WSCD2: variants seen among roughly 807,000 people sequenced by gnomAD.
WSCD2 encodes the protein WSC domain sialate O sulfotransferase 2, also known as sialate:O-sulfotransferase 2.
A neutral mutation model predicts 55.7 loss-of-function variants in WSCD2; 28 were observed. The observed-to-expected ratio is 0.50, with a 90% CI of 0.37 to 0.69. The LOEUF is 0.69. Ranked by LOEUF, WSCD2 falls within the 30% of genes least tolerant of loss-of-function variation. WSCD2 has a pLI of 0.00. For missense variants in WSCD2, 616 were observed against 762.1 expected (o/e 0.81, Z 2.26); for synonymous variants, 301 against 301.9 (o/e 1.00, Z 0.03).
chr12:108,219,232 A>G (rs2137138579), intron 4 of WSCD2, among the ~76,000 whole-genome samples: 1 of 152,334 alleles, frequency 6.6e-6, no homozygotes, highest in Non-Finnish European at 1.5e-5. Context: ...CACACAAGTT[A>G]TCTACAGAAG....
At chr12:108,212,074 C>T (rs1482610041) in intron 4 of WSCD2, among the ~76,000 whole-genome samples, 1 of 152,126 alleles carries the variant, frequency 6.6e-6, no homozygotes, top group Non-Finnish European at 1.5e-5. Context: ...ACTTCCACCT[C>T]CCCATAGTCA....
In WSCD2 at chr12:108,235,792, T is replaced by G. The variant is rs571261647; in HGVS notation, c.1144+2897T>G. Among the ~76,000 whole-genome samples, 9 of 152,292 alleles carry G rather than the reference T, an allele frequency of 5.9e-5. No individual in the cohort carries two copies. The South Asian group carries it at 1.9e-3, about 32-fold the overall frequency. ...TGAGGCTTTGAATGTAGTTGCCTTT[T>G]CATTAGGAGCTTTAAAATCCTTCCC... On this transcript the variant is annotated intron_variant, in intron 7 of 8. Transcript: ENST00000547525.
At chr12:108,226,907 C>A in intron 5 of WSCD2, 83 bp from the exon 6 acceptor site, 1 of 1,464,794 alleles carries the variant, frequency 6.8e-7, no homozygotes, top group South Asian at 1.3e-5. Context: ...GGTTGAAATG[C>A]AAATCCTGTT....
chr12:108,248,246 A>G lies in WSCD2; in HGVS notation c.1601A>G (p.Asp534Gly), dbSNP rs894058907. ...CTCGAGTATGACCCCTATACTGCGG[A>G]CATGCAGAAGACCATCTCTGCCTAC... The part of the protein sequence containing the change: ...RKLEYDPYTA[D>G]MQKTISAYIK... The change falls in exon 9 of 9, where the codon GAC (aspartate) becomes GGC (glycine). Residue 534 changes from aspartate (D) to glycine (G), a missense_variant. Physicochemically the swap from Asp to Gly is moderately conservative, Grantham distance 94. Transcript: ENST00000547525. This position sits in a 1 kb window ranked among gnomAD's most constrained non-coding sequence, Gnocchi z 4.3. 6 of 1,614,094 alleles carry G rather than the reference A, an allele frequency of 3.7e-6. No individual in the cohort carries two copies. The highest frequency in any genetic ancestry group is 5.1e-6 in the Non-Finnish European group (6 of 1,180,052).
At chr12:108,134,293 G>A (rs1309909710) in intron 1 of WSCD2, among the ~76,000 whole-genome samples, 2 of 152,040 alleles carry the variant, frequency 1.3e-5, no homozygotes, top group Admixed American at 1.3e-4. Context: ...CTCATTCAAG[G>A]AGCAGGCAAA....
In WSCD2 at chr12:108,133,396, C is replaced by T. The variant is rs754716480; in HGVS notation, c.-552+3470C>T. 9.9e-5 allele frequency among the ~76,000 whole-genome samples: 15 copies of T among 151,996 alleles called. No homozygotes were observed. The East Asian group carries it at 1.2e-3, about 12-fold the overall frequency. ...GGGCGTACATGTGTGTTTTTCTGAGCGTGTTTGCCTGTTTGTACAGCAGTG... is the reference window on the plus strand; with the variant it reads ...GGGCGTACATGTGTGTTTTTCTGAGTGTGTTTGCCTGTTTGTACAGCAGTG... On this transcript the variant is annotated intron_variant, in intron 1 of 8. Transcript: ENST00000547525.
chr12:108,225,235 A>G (rs1887952828), intron 5 of WSCD2, among the ~76,000 whole-genome samples: 1 of 152,226 alleles, frequency 6.6e-6, no homozygotes, highest in Non-Finnish European at 1.5e-5. Context: ...TCATGGTGGA[A>G]GGCAAAGGAA....
chr12:108,220,524 CACA>C lies in WSCD2; in HGVS notation c.683-4210_683-4208del, dbSNP rs1235346891. On this transcript the variant is annotated intron_variant, in intron 4 of 8. Transcript: ENST00000547525. ...ACCAGTACATGGTAGCAATAATGATCACAACAATATTACGATTTTTTTAAAGAC... is the reference window on the plus strand; with the variant it reads ...ACCAGTACATGGTAGCAATAATGATCACAATATTACGATTTTTTTAAAGAC... Among the ~76,000 whole-genome samples the C allele has an allele frequency of 3.3e-5, 5 of 152,268 alleles. No homozygotes were observed. The East Asian group carries it at 7.7e-4, about 23-fold the overall frequency.
At chr12:108,224,987 A>G (rs1331729529) in intron 5 of WSCD2, 127 bp downstream of exon 5, 13 of 1,362,180 alleles carry the variant, frequency 9.5e-6, no homozygotes, top group Admixed American at 7.2e-5. Context: ...ACTGGGATCT[A>G]TGACGTGGGA....
chr12:108,138,355 T>A (rs1290586846), intron 1 of WSCD2, among the ~76,000 whole-genome samples: 1 of 152,188 alleles, frequency 6.6e-6, no homozygotes, highest in Non-Finnish European at 1.5e-5. Flanking sequence ...CATTTAACTC[T>A]GTTGTGCCTT....
chr12:108,133,801 T>C (rs1156851915), intron 1 of WSCD2, among the ~76,000 whole-genome samples: 1 of 152,130 alleles, frequency 6.6e-6, no homozygotes, highest in Non-Finnish European at 1.5e-5. Context: ...CAGAAGCTTC[T>C]ACTTAGGACG....
At position 108,240,346 on chromosome 12, in the gene WSCD2, T is replaced by C; in HGVS notation, c.1147T>C (p.Phe383Leu). 2 of 1,613,262 alleles carry C rather than the reference T, an allele frequency of 1.2e-6. No homozygotes were observed. Among genetic ancestry groups the C allele is most frequent in the East Asian group, 2.2e-5 (1 of 44,832 alleles). Residue 383 changes from phenylalanine to leucine, a missense_variant and splice_region_variant, in exon 8 of 9, where the codon TTT becomes CTT. Phe to Leu is a conservative substitution (Grantham distance 22). Around this residue, in one of 3 missense-constraint regions of WSCD2, gnomAD observed 234 missense variants for 264.6 expected, o/e 0.88. Coordinates refer to ENST00000547525, the MANE Select transcript of WSCD2 (RefSeq NM_014653.4). ...YFDGSLYNKG[F>L]KGERDHWRSG... ...TCCTCACCTCTGGCTGCGGGAAGGG[T>C]TTAAAGGTGAGCGGGACCACTGGCG...
chr12:108,170,388 G>T (rs1880111895), intron 1 of WSCD2, among the ~76,000 whole-genome samples: 1 of 152,056 alleles, frequency 6.6e-6, no homozygotes, highest in Non-Finnish European at 1.5e-5. Flanking sequence ...TGATGATGAT[G>T]GTGATGATGT....
intron 1 of WSCD2, among the ~76,000 whole-genome samples, chr12:108,149,672 C>G (rs867580562): frequency 6.6e-6 from 1 of 152,328 alleles, no homozygotes; most frequent in Middle Eastern, 3.4e-3. Context: ...GTGTCCCCCA[C>G]CCCGCCACAC....
intron 4 of WSCD2, among the ~76,000 whole-genome samples, chr12:108,223,231 C>T (rs1165352989): frequency 2.6e-5 from 4 of 152,198 alleles, no homozygotes; most frequent in Non-Finnish European, 4.4e-5. Flanking sequence ...AACAACTGGG[C>T]ACCATGGCCT....
chr12:108,211,746 C>T (rs114533558), intron 4 of WSCD2, among the ~76,000 whole-genome samples: 3,564 of 150,500 alleles, frequency 0.024, 143 homozygotes, highest in African/African-American at 0.083. Context: ...CCCCGTATGC[C>T]AGGTTCAAGC....
At position 108,133,180 on chromosome 12, in the gene WSCD2, G is replaced by A. The variant is rs115992743; in HGVS notation, c.-552+3254G>A. 1.9e-3 allele frequency among the ~76,000 whole-genome samples: 294 copies of A among 152,204 alleles called. 2 individuals are homozygous for A. The highest frequency in any genetic ancestry group is 6.6e-3 in the African/African-American group (275 of 41,514). ...TCTGTGTAGCATTGCACACTTGAGC[G>A]TATCTCTGTGTGTATGTGTGTGTTT... On this transcript the variant is annotated intron_variant, in intron 1 of 8. Transcript: ENST00000547525.
At chr12:108,201,447 A>G (rs1267382443) in intron 2 of WSCD2, among the ~76,000 whole-genome samples, 1 of 144,264 alleles carries the variant, frequency 6.9e-6, no homozygotes, top group Non-Finnish European at 1.5e-5. Flanking sequence ...CCATGACCCT[A>G]TTTCCAAATA....
rs183853925 is a variant in WSCD2, at chr12:108,188,312, A to C, written c.-551-6970A>C. Among the ~76,000 whole-genome samples the C allele has an allele frequency of 1.2e-4, 19 of 152,200 alleles. No individual in the cohort carries two copies. In the East Asian group the frequency reaches 3.1e-3, roughly 25 times the overall value. On this transcript the variant is annotated intron_variant, in intron 1 of 8. Transcript: ENST00000547525. ...ACGGGTGTGCCTAGGAACCTGGTGA[A>C]GCTTTCCTGGTGTGTACATGCTTCC... is the stretch of plus-strand genomic sequence containing the variant.
Sources: allele counts gnomAD v4.1 joint callset (sites outside exome capture counted in the v4.1 genomes callset), GRCh38; gene constraint gnomAD v4.1.1; regional missense constraint gnomAD v4.1.1; non-coding constraint Gnocchi (gnomAD v3.1); transcripts MANE v1.5; gene names NCBI Gene and HGNC (gene_info 2026-07-23, HGNC 2026-07-21).